TEKT5: variants seen among roughly 807,000 people sequenced by gnomAD.
TEKT5 encodes tektin 5.
TEKT5 carries 52 observed loss-of-function variants against 48.7 expected under a neutral mutation model. The observed-to-expected ratio is 1.07, with a 90% CI of 0.86 to 1.35. TEKT5 has a LOEUF of 1.35. Ranked by LOEUF, TEKT5 falls within the 40% of genes most tolerant of loss-of-function variation. The probability of loss-of-function intolerance (pLI) is 0.00; values close to 1 mark genes in which losing one functional copy is unlikely to be tolerated. For missense variants in TEKT5, 831 were observed against 641.6 expected (o/e 1.30, Z -3.19); for synonymous variants, 318 against 267.6 (o/e 1.19, Z -1.84).
chr16:10,671,211 C>T (rs529655686), intron 5 of TEKT5, among the ~76,000 whole-genome samples: 1 of 152,270 alleles, frequency 6.6e-6, no homozygotes, highest in African/African-American at 2.4e-5. Flanking sequence ...AAATTCTTAT[C>T]CCTGTTTCAC....
intron 5 of TEKT5, among the ~76,000 whole-genome samples, chr16:10,652,702 C>G (rs1596406129): frequency 1.3e-5 from 1 of 78,340 alleles, no homozygotes. Context: ...CACACACACA[C>G]ACACACACAC....
chr16:10,654,422 C>G (rs570987338), intron 5 of TEKT5, among the ~76,000 whole-genome samples: 1 of 152,248 alleles, frequency 6.6e-6, no homozygotes, highest in East Asian at 1.9e-4. Flanking sequence ...AAAGGGACAG[C>G]CAGATAGCTG....
chr16:10,679,833 G>C (rs1432456313), intron 4 of TEKT5, among the ~76,000 whole-genome samples: 1 of 152,100 alleles, frequency 6.6e-6, no homozygotes, highest in Non-Finnish European at 1.5e-5. Context: ...GGAGATGGAG[G>C]CTGTGGTGAG....
intron 5 of TEKT5, among the ~76,000 whole-genome samples, chr16:10,666,640 C>T (rs532102885): frequency 6.6e-6 from 1 of 152,200 alleles, no homozygotes; most frequent in African/African-American, 2.4e-5. Context: ...AGAGAGGGAA[C>T]GCCTGCACAG....
chr16:10,629,961 C>G (rs1050495292), intron 6 of TEKT5, among the ~76,000 whole-genome samples: 4 of 151,966 alleles, frequency 2.6e-5, no homozygotes, highest in African/African-American at 7.3e-5. Context: ...CTTTTTGAGA[C>G]AGAGTCTCAC....
chr16:10,675,924 C>G, intron 5 of TEKT5, 35 bp downstream of exon 5: 1 of 1,603,674 alleles, frequency 6.2e-7, no homozygotes, highest in Non-Finnish European at 8.5e-7. Context: ...GAGGGCTTGG[C>G]AGAGAAGGCA....
intron 5 of TEKT5, among the ~76,000 whole-genome samples, chr16:10,665,014 G>A (rs187716226): frequency 6.6e-6 from 1 of 152,306 alleles, no homozygotes. Context: ...CAGCCAGGAA[G>A]TGCTGGAGCC....
chr16:10,680,715 T>G (rs907451056), intron 4 of TEKT5, among the ~76,000 whole-genome samples: 1 of 151,510 alleles, frequency 6.6e-6, no homozygotes, highest in Admixed American at 6.6e-5. Flanking sequence ...TGTAGGGACA[T>G]GGATGAAATT....
chr16:10,677,215 A>AGTGTCTGGGAGGGAGG (rs1596415666), intron 4 of TEKT5, among the ~76,000 whole-genome samples: 3 of 148,632 alleles, frequency 2.0e-5, no homozygotes, highest in South Asian at 2.2e-4. Context: ...CAGCAGGAGG[A>AGTGTCTGGGAGGGAGG]TGAAAGAGAC....
chr16:10,631,933 T>C (rs1897846449), intron 6 of TEKT5, among the ~76,000 whole-genome samples: 1 of 152,186 alleles, frequency 6.6e-6, no homozygotes, highest in Non-Finnish European at 1.5e-5. Flanking sequence ...TAATTTGTGA[T>C]AGCAGCCCTG....
intron 6 of TEKT5, among the ~76,000 whole-genome samples, chr16:10,629,184 G>T (rs889483774): frequency 1.3e-5 from 2 of 152,056 alleles, no homozygotes; most frequent in African/African-American, 4.8e-5. Flanking sequence ...AGTGGTGAGG[G>T]TTGCACAACA....
intron 5 of TEKT5, among the ~76,000 whole-genome samples, chr16:10,660,969 G>C (rs1898360945): frequency 1.3e-5 from 2 of 152,034 alleles, no homozygotes; most frequent in South Asian, 4.2e-4. Context: ...CCAAAGTGTT[G>C]GGATACAGAC....
chr16:10,694,381 C>G lies in TEKT5; in HGVS notation c.493G>C (p.Glu165Gln). 2 of 1,613,928 alleles carry G rather than the reference C, an allele frequency of 1.2e-6. No individual in the cohort carries two copies. Among genetic ancestry groups the G allele is most frequent in the Non-Finnish European group, 1.7e-6 (2 of 1,179,950 alleles). ...LSYELDRLLT[E>Q]NQNLETVKRR... ...TTGACCGTCTCCAAGTTCTGGTTCT[C>G]AGTCAGAAGCCTGTCCAGCTCATAG... The change falls in exon 1 of 7, where the codon GAG becomes CAG. Residue 165 changes from glutamate (E) to glutamine (Q), a missense_variant. Transcript: ENST00000283025.
At chr16:10,685,434 G>T (rs117356223) in intron 3 of TEKT5, among the ~76,000 whole-genome samples, 3 of 152,184 alleles carry the variant, frequency 2.0e-5, no homozygotes, top group African/African-American at 7.2e-5. Context: ...TGAGTAGCTG[G>T]GATTAGAGAC....
At chr16:10,650,709 C>A (rs1898141908) in intron 5 of TEKT5, among the ~76,000 whole-genome samples, 1 of 152,024 alleles carries the variant, frequency 6.6e-6, no homozygotes, top group South Asian at 2.1e-4. Context: ...CATGGTGACA[C>A]CCCGTCTCTA....
At chr16:10,631,358 C>CGG (rs113859011) in intron 6 of TEKT5, among the ~76,000 whole-genome samples, 4,691 of 25,064 alleles carry the variant, frequency 0.19, 103 homozygotes, top group Non-Finnish European at 0.25. Context: ...GGGGTGGGGG[C>CGG]GGGGGAGGGT....
chr16:10,637,518 TG>T (rs1333243373), intron 5 of TEKT5, among the ~76,000 whole-genome samples: 14 of 152,184 alleles, frequency 9.2e-5, no homozygotes, highest in African/African-American at 2.9e-4. Flanking sequence ...ACTTTTTATC[TG>T]TCAAGATATT....
intron 5 of TEKT5, among the ~76,000 whole-genome samples, chr16:10,661,987 C>T (rs896909457): frequency 2.6e-5 from 4 of 152,222 alleles, no homozygotes; most frequent in African/African-American, 9.6e-5. Flanking sequence ...ATCTACCCTA[C>T]CATCTGCCTA....
At chr16:10,683,185 T>C (rs950457144) in intron 3 of TEKT5, among the ~76,000 whole-genome samples, 4 of 151,974 alleles carry the variant, frequency 2.6e-5, no homozygotes, top group Admixed American at 2.6e-4. Flanking sequence ...GTAGACCTTA[T>C]GGGGGAATGA....
Sources: gnomAD v4.1 joint callset for allele counts (sites outside exome capture counted in the v4.1 genomes callset) on GRCh38, gnomAD v4.1.1 for gene constraint, MANE v1.5 for transcripts, NCBI Gene and HGNC (gene_info 2026-07-23, HGNC 2026-07-21) for gene names.